UNC13C: variants seen among roughly 807,000 people sequenced by gnomAD.
UNC13C encodes protein unc-13 homolog C.
In UNC13C, 174 loss-of-function variants were observed where a neutral mutation model predicts 245.4. The observed-to-expected ratio is 0.71, with a 90% CI of 0.63 to 0.80. UNC13C has a LOEUF of 0.80. Among genes scored for constraint, UNC13C ranks in the 30% least tolerant of loss-of-function variants. UNC13C has a pLI of 0.00. For synonymous variants in UNC13C, 992 were observed against 895.1 expected, an observed-to-expected ratio of 1.11 and a Z score of -1.93; for missense variants, 2,829 against 2,602.9, an observed-to-expected ratio of 1.09 and a Z score of -1.89.
chr15:54,439,899 G>GGTTGTAAC (rs1170101596), intron 19 of UNC13C, among the ~76,000 whole-genome samples: 2 of 151,792 alleles, frequency 1.3e-5, no homozygotes, highest in Non-Finnish European at 2.9e-5. Context: ...TTCTATCTAT[G>GGTTGTAAC]GTTGTAACCA....
chr15:54,393,276 A>G (rs2040001745), intron 18 of UNC13C, 95 bp downstream of exon 18: 1 of 1,041,996 alleles, frequency 9.6e-7, no homozygotes, highest in Non-Finnish European at 1.3e-6. Flanking sequence ...ACAATAATAA[A>G]CTTTTCCATA....
chr15:54,124,460 TC>T (rs982894609), intron 2 of UNC13C, among the ~76,000 whole-genome samples: 1 of 152,228 alleles, frequency 6.6e-6, no homozygotes, highest in African/African-American at 2.4e-5. Context: ...ACTGTCTGTA[TC>T]TTTTGCCAGT....
chr15:54,030,238 G>A (rs1177077578), intron 2 of UNC13C, among the ~76,000 whole-genome samples: 1 of 152,062 alleles, frequency 6.6e-6, no homozygotes, highest in Non-Finnish European at 1.5e-5. Context: ...ATTCAGACCC[G>A]AGGTCATGAC....
rs28612427 is a variant in UNC13C at position 54,162,451 on chromosome 15, C to T, written c.3071+18767C>T. Among the ~76,000 whole-genome samples the T allele has an allele frequency of 3.6e-3, 555 of 152,268 alleles. 11 individuals carry two copies. Among genetic ancestry groups the T allele is most frequent in the African/African-American group, 0.013 (536 of 41,562 alleles). On this transcript the variant is annotated intron_variant, in intron 4 of 32. Transcript: ENST00000260323. ...ACAGAGAACATATGAAATATTGTGG[C>T]CTCATACTAAAAGATTTCCTGGTAA...
chr15:54,280,836 C>G (rs142283671), intron 10 of UNC13C, among the ~76,000 whole-genome samples: 3 of 151,022 alleles, frequency 2.0e-5, no homozygotes, highest in Non-Finnish European at 4.4e-5. Context: ...CTCACTCTGT[C>G]GCCCAGGCTA....
chr15:54,001,072 A>C (rs12912451), intron 1 of UNC13C, among the ~76,000 whole-genome samples: 17 of 151,914 alleles, frequency 1.1e-4, no homozygotes, highest in Non-Finnish European at 2.4e-4. Context: ...CTTCCACCCT[A>C]CTAACATTTA....
At chr15:54,113,807 C>T (rs2030010643) in intron 2 of UNC13C, among the ~76,000 whole-genome samples, 1 of 152,234 alleles carries the variant, frequency 6.6e-6, no homozygotes, top group East Asian at 1.9e-4. Flanking sequence ...GCCTGGGCAA[C>T]AGAGTGAGAC....
At chr15:54,592,113 T>C (rs1898823637) in intron 30 of UNC13C, among the ~76,000 whole-genome samples, 2 of 152,164 alleles carry the variant, frequency 1.3e-5, no homozygotes, top group South Asian at 2.1e-4. Flanking sequence ...TTTTGAAAGT[T>C]CCTTTTGGAG....
chr15:54,074,703 T>C (rs903899155), intron 2 of UNC13C, among the ~76,000 whole-genome samples: 4 of 152,206 alleles, frequency 2.6e-5, no homozygotes, highest in East Asian at 1.9e-4. Flanking sequence ...CAGGAATGCT[T>C]GTGATTTTTG....
intron 19 of UNC13C, among the ~76,000 whole-genome samples, chr15:54,471,182 C>T (rs1451579469): frequency 1.3e-5 from 2 of 151,390 alleles, no homozygotes; most frequent in Non-Finnish European, 3.0e-5. Context: ...GCATTTGTTG[C>T]TGTTGGATAG....
the UNC13C span, among the ~76,000 whole-genome samples, chr15:53,905,937 A>G: frequency 6.6e-6 from 1 of 152,168 alleles, no homozygotes; most frequent in South Asian, 2.1e-4. Flanking sequence ...GAAATAACAG[A>G]CACTGTAATA....
the UNC13C span, among the ~76,000 whole-genome samples, chr15:53,908,338 A>G: frequency 6.8e-6 from 1 of 146,708 alleles, no homozygotes; most frequent in East Asian, 2.0e-4. Flanking sequence ...GTAATGGCAT[A>G]TATACAAGTT....
chr15:54,290,466 G>T (rs1475440989), intron 10 of UNC13C, among the ~76,000 whole-genome samples: 3 of 151,932 alleles, frequency 2.0e-5, no homozygotes, highest in Non-Finnish European at 2.9e-5. Context: ...AAGACAAATT[G>T]CAAGTACACT....
intron 16 of UNC13C, among the ~76,000 whole-genome samples, chr15:54,334,244 G>A (rs2038515890): frequency 6.6e-6 from 1 of 152,094 alleles, no homozygotes; most frequent in African/African-American, 2.4e-5. Flanking sequence ...ACTCTTTTAA[G>A]TTTACCCCAA....
chr15:53,879,477 A>C, the UNC13C span, among the ~76,000 whole-genome samples: 1 of 152,208 alleles, frequency 6.6e-6, no homozygotes, highest in Admixed American at 6.5e-5. Flanking sequence ...TTCAATTTTT[A>C]TATCAAATGC....
At chr15:53,858,870 T>G in the UNC13C span, among the ~76,000 whole-genome samples, 1 of 152,224 alleles carries the variant, frequency 6.6e-6, no homozygotes, top group South Asian at 2.1e-4. Context: ...GTAGTTGGAA[T>G]AATTACCCAG....
intron 10 of UNC13C, among the ~76,000 whole-genome samples, chr15:54,283,830 G>A (rs533271941): frequency 5.1e-4 from 78 of 152,158 alleles, no homozygotes; most frequent in African/African-American, 1.8e-3. Flanking sequence ...CAACTTTCCC[G>A]AAGTCGTATT....
chr15:54,045,768 A>G (rs1897011345), intron 2 of UNC13C, among the ~76,000 whole-genome samples: 1 of 152,308 alleles, frequency 6.6e-6, no homozygotes, highest in Admixed American at 6.5e-5. Context: ...AGAATATCCT[A>G]TTTTTCATCA....
chr15:54,461,582 A>G (rs1471594272), intron 19 of UNC13C, among the ~76,000 whole-genome samples: 2 of 152,166 alleles, frequency 1.3e-5, no homozygotes, highest in Non-Finnish European at 2.9e-5. Context: ...AAAATACTAC[A>G]TGTATTTATG....
Sources: allele counts gnomAD v4.1 joint callset (sites outside exome capture counted in the v4.1 genomes callset), GRCh38; gene constraint gnomAD v4.1.1; transcripts MANE v1.5; gene names NCBI Gene and HGNC (gene_info 2026-07-23, HGNC 2026-07-21).